Variants in LRP1B observed in about 807,000 individuals in gnomAD.
The protein encoded by LRP1B is low-density lipoprotein receptor-related protein 1B.
In LRP1B, 217 loss-of-function variants were observed where a neutral mutation model predicts 556.6. The ratio of observed to expected loss-of-function variants is 0.39; its 90% confidence interval spans 0.35 to 0.44. LRP1B has a LOEUF of 0.44. Among genes scored for constraint, LRP1B ranks in the 20% least tolerant of loss-of-function variants. The probability of loss-of-function intolerance (pLI) is 1.00; values close to 1 mark genes in which losing one functional copy is unlikely to be tolerated. For synonymous variants in LRP1B, 2,047 were observed against 1,865.8 expected (o/e 1.10, Z -2.50); for missense variants, 5,053 against 5,620.8 (o/e 0.90, Z 3.23).
intron 86 of LRP1B, among the ~76,000 whole-genome samples, chr2:140,264,732 GTGTGTGTGTA>G (rs1285047662): frequency 0.016 from 1,796 of 111,926 alleles, 35 homozygotes; most frequent in African/African-American, 0.071. Flanking sequence ...GTGTGTGTGT[GTGTGTGTGTA>G]TATAATTTTC....
intron 7 of LRP1B, among the ~76,000 whole-genome samples, chr2:141,081,085 G>C (rs1406540348): frequency 6.6e-6 from 1 of 152,068 alleles, no homozygotes; most frequent in Non-Finnish European, 1.5e-5. Context: ...CTCCTGTCTT[G>C]GCCTCCCAAA....
chr2:141,001,589 G>A (rs529169289), intron 15 of LRP1B, among the ~76,000 whole-genome samples: 10 of 152,090 alleles, frequency 6.6e-5, no homozygotes, highest in South Asian at 6.2e-4. Context: ...CTGTCCTTGC[G>A]ATAGTTAAAG....
intron 59 of LRP1B, among the ~76,000 whole-genome samples, chr2:140,482,661 A>G (rs1354251639): frequency 6.6e-6 from 1 of 152,252 alleles, no homozygotes; most frequent in East Asian, 1.9e-4. Flanking sequence ...ACTAAATACC[A>G]TATCTAAAGT....
intron 3 of LRP1B, among the ~76,000 whole-genome samples, chr2:141,474,059 C>CCTTCCTT (rs1682607173): frequency 3.9e-5 from 2 of 51,250 alleles, no homozygotes; most frequent in African/African-American, 1.1e-4. Context: ...CTTCCTTCCT[C>CCTTCCTT]CCTCCCTCCC....
At chr2:140,828,035 G>A (rs1236398421) in intron 31 of LRP1B, among the ~76,000 whole-genome samples, 3 of 151,900 alleles carry the variant, frequency 2.0e-5, no homozygotes, top group Non-Finnish European at 4.4e-5. Flanking sequence ...CTTCAAACAT[G>A]AAAGAGAAAT....
chr2:140,274,541 C>T lies in LRP1B; in HGVS notation c.13025G>A (p.Ser4342Asn), dbSNP rs1682591075. 3 of 1,612,504 alleles carry T rather than the reference C, an allele frequency of 1.9e-6. No individual in the cohort carries two copies. Among genetic ancestry groups the T allele is most frequent in the African/African-American group, 1.3e-5 (1 of 74,802 alleles). ...GCGCGTTGGACAGACACATTCAACA[C>T]TTCCATCATCCCCAATGGTACATGA... ...SESCTIGDDGSVECVCPTRYE... is the reference protein window; with the variant it reads ...SESCTIGDDGNVECVCPTRYE... The change falls in exon 85 of 91, where the codon AGT becomes AAT. Residue 4342 changes from serine (S) to asparagine (N), a missense_variant. Coordinates refer to ENST00000389484, the MANE Select transcript of LRP1B (RefSeq NM_018557.3).
At chr2:140,722,360 T>G (rs182080589) in intron 35 of LRP1B, among the ~76,000 whole-genome samples, 78 of 152,306 alleles carry the variant, frequency 5.1e-4, no homozygotes, top group African/African-American at 1.7e-3. Flanking sequence ...GGAGGTAAAA[T>G]TGCTGAGATA....
At chr2:141,230,008 T>C (rs1363298730) in intron 5 of LRP1B, among the ~76,000 whole-genome samples, 1 of 152,194 alleles carries the variant, frequency 6.6e-6, no homozygotes, top group Non-Finnish European at 1.5e-5. Flanking sequence ...CCACATCTAC[T>C]TTCTACAGTC....
chr2:140,343,715 C>T (rs1681511761), intron 77 of LRP1B, among the ~76,000 whole-genome samples: 1 of 151,540 alleles, frequency 6.6e-6, no homozygotes, highest in African/African-American at 2.4e-5. Flanking sequence ...AGGTAAATAG[C>T]TAATCAAATG....
At chr2:141,421,222 T>C (rs1011457451) in intron 3 of LRP1B, among the ~76,000 whole-genome samples, 1 of 152,158 alleles carries the variant, frequency 6.6e-6, no homozygotes, top group South Asian at 2.1e-4. Context: ...CTCAAAGAAA[T>C]ACACTTTAAA....
chr2:140,654,198 T>C (rs1249329069), intron 41 of LRP1B, among the ~76,000 whole-genome samples: 1 of 152,028 alleles, frequency 6.6e-6, no homozygotes, highest in East Asian at 1.9e-4. Flanking sequence ...ACATGAGTGT[T>C]TAATTTTCTT....
At chr2:140,390,299 T>C (rs1316325066) in intron 66 of LRP1B, among the ~76,000 whole-genome samples, 1 of 152,112 alleles carries the variant, frequency 6.6e-6, no homozygotes, top group Non-Finnish European at 1.5e-5. Flanking sequence ...AATTAAAAAA[T>C]AAGTAATGTA....
Position 140,262,866 on chromosome 2 carries a change from T to C in LRP1B, c.13247+7376A>G, listed in dbSNP as rs150657914. Reference sequence around the variant, plus strand: ...TCTGCAAGAGGAGTGGTTGCTGTGCTGTGGAGGATATATAAACAAAAAGGG... The same window carrying C: ...TCTGCAAGAGGAGTGGTTGCTGTGCCGTGGAGGATATATAAACAAAAAGGG... On this transcript the variant is annotated intron_variant, in intron 86 of 90. Transcript: ENST00000389484. Among the ~76,000 whole-genome samples the C allele has an allele frequency of 2.6e-5, 4 of 152,276 alleles. No individual in the cohort carries two copies. In the East Asian group the frequency reaches 7.8e-4, roughly 30 times the overall value.
intron 1 of LRP1B, among the ~76,000 whole-genome samples, chr2:142,076,783 A>G (rs952289890): frequency 1.5e-4 from 23 of 152,236 alleles, no homozygotes; most frequent in African/African-American, 5.3e-4. Context: ...CTTAATATTT[A>G]TAATCATACT....
chr2:141,854,233 C>T (rs1407407547), intron 1 of LRP1B, among the ~76,000 whole-genome samples: 6 of 151,842 alleles, frequency 4.0e-5, no homozygotes, highest in African/African-American at 1.4e-4. Context: ...AGCAAGTTCC[C>T]ACTATCTCAC....
intron 35 of LRP1B, among the ~76,000 whole-genome samples, chr2:140,762,042 G>T (rs1457354885): frequency 3.9e-5 from 6 of 151,952 alleles, no homozygotes; most frequent in Admixed American, 6.6e-5. Context: ...ATGAAGCTGT[G>T]CCATGAGTCT....
chr2:141,112,603 A>G (rs1440966910), intron 7 of LRP1B, among the ~76,000 whole-genome samples: 2 of 152,246 alleles, frequency 1.3e-5, no homozygotes. Flanking sequence ...TAAACAATTT[A>G]TAATAAATAC....
intron 1 of LRP1B, among the ~76,000 whole-genome samples, chr2:141,937,409 A>T (rs534537345): frequency 2.2e-4 from 33 of 150,002 alleles, no homozygotes; most frequent in South Asian, 8.4e-4. Context: ...ATAATAAAAT[A>T]AAAAATAAAA....
chr2:141,254,411 G>C (rs1049974202), intron 4 of LRP1B, 111 bp downstream of exon 4: 1 of 1,062,016 alleles, frequency 9.4e-7, no homozygotes, highest in South Asian at 1.6e-5. Context: ...AGAAAGAAAA[G>C]TTAACATAAA....
Sources: allele counts gnomAD v4.1 joint callset (sites outside exome capture counted in the v4.1 genomes callset), GRCh38; gene constraint gnomAD v4.1.1; transcripts MANE v1.5; gene names NCBI Gene and HGNC (gene_info 2026-07-23, HGNC 2026-07-21).